Variants in CAST observed in about 807,000 individuals in gnomAD.
The protein encoded by CAST is calpastatin.
CAST carries 76 observed loss-of-function variants against 119.6 expected under a neutral mutation model. The ratio of observed to expected loss-of-function variants is 0.64; its 90% CI spans 0.53 to 0.77. The LOEUF is 0.77. CAST is among the 30% of genes least tolerant of loss of function. The pLI, the probability that CAST is intolerant of heterozygous loss-of-function variation, is 0.00. For missense variants in CAST, 953 were observed against 946.5 expected, an observed-to-expected ratio of 1.01 and a Z score of -0.09; for synonymous variants, 319 against 331.6, an observed-to-expected ratio of 0.96 and a Z score of 0.41.
the CAST span, among the ~76,000 whole-genome samples, chr5:96,190,827 G>C: frequency 6.6e-6 from 1 of 152,076 alleles, no homozygotes; most frequent in Admixed American, 6.6e-5. Context: ...GGATGATCCT[G>C]TCACCCAGGT....
At chr5:96,059,861 A>G in the CAST span, among the ~76,000 whole-genome samples, 1 of 152,098 alleles carries the variant, frequency 6.6e-6, no homozygotes, top group Non-Finnish European at 1.5e-5. Flanking sequence ...TGCATCAACA[A>G]TATTATATTC....
At chr5:96,397,429 T>A in the CAST span, 4 of 1,612,770 alleles carry the variant, frequency 2.5e-6, no homozygotes, top group Admixed American at 1.7e-5. Flanking sequence ...CATTAGGAGA[T>A]GTATCCCGTT....
chr5:95,985,417 C>G, the CAST span, among the ~76,000 whole-genome samples: 1 of 152,164 alleles, frequency 6.6e-6, no homozygotes, highest in East Asian at 1.9e-4. Flanking sequence ...TGAATAGAAG[C>G]AAACCAAGAG....
At chr5:96,555,796 G>C (rs1254096692) in intron 1 of CAST, among the ~76,000 whole-genome samples, 1 of 152,224 alleles carries the variant, frequency 6.6e-6, no homozygotes, top group Non-Finnish European at 1.5e-5. Context: ...TCCACCTCTA[G>C]GGGCAGGGCA....
At chr5:96,480,202 C>A in the CAST span, among the ~76,000 whole-genome samples, 1 of 152,008 alleles carries the variant, frequency 6.6e-6, no homozygotes, top group South Asian at 2.1e-4. Flanking sequence ...CAGGTTGGAA[C>A]AATTAGCATG....
At chr5:96,641,230 G>A (rs190332948) in intron 1 of CAST, among the ~76,000 whole-genome samples, 3 of 151,664 alleles carry the variant, frequency 2.0e-5, no homozygotes, top group African/African-American at 7.3e-5. Context: ...AGAAATAAAG[G>A]GAAAATAAAA....
the CAST span, among the ~76,000 whole-genome samples, chr5:96,301,881 T>G: frequency 6.6e-6 from 1 of 152,116 alleles, no homozygotes; most frequent in African/African-American, 2.4e-5. Context: ...GATCTACCAT[T>G]CGGGGATCTG....
the CAST span, among the ~76,000 whole-genome samples, chr5:96,078,522 T>C: frequency 6.6e-6 from 1 of 152,092 alleles, no homozygotes; most frequent in African/African-American, 2.4e-5. Context: ...GCCTCCCAAG[T>C]AGCTGGGATT....
the CAST span, among the ~76,000 whole-genome samples, chr5:96,020,950 A>G: frequency 1.5e-4 from 22 of 151,338 alleles, no homozygotes; most frequent in Admixed American, 4.0e-4. Flanking sequence ...TTCACATTCT[A>G]TTTTCAAAAG....
At chr5:96,727,379 T>C (rs932724932) in intron 5 of CAST, 110 bp from the exon 6 acceptor site, 4 of 558,414 alleles carry the variant, frequency 7.2e-6, no homozygotes, top group Non-Finnish European at 1.2e-5. Context: ...ACATTAAAAA[T>C]CATCTCTTTT....
At chr5:96,046,798 T>C in the CAST span, among the ~76,000 whole-genome samples, 6,956 of 152,254 alleles carry the variant, frequency 0.046, 336 homozygotes, top group African/African-American at 0.12. Context: ...CTCAGAATCA[T>C]GGTGGGAGGT....
At chr5:96,511,112 A>G in the CAST span, among the ~76,000 whole-genome samples, 8 of 152,198 alleles carry the variant, frequency 5.3e-5, no homozygotes, top group Non-Finnish European at 4.4e-5. Context: ...CAACAAAACA[A>G]AACAAAAAAC....
the CAST span, among the ~76,000 whole-genome samples, chr5:96,026,900 C>G: frequency 6.6e-6 from 1 of 152,018 alleles, no homozygotes; most frequent in African/African-American, 2.4e-5. Context: ...TTAAACAATT[C>G]CTCTTACTCT....
the CAST span, chr5:96,429,321 T>G: frequency 6.8e-7 from 1 of 1,460,828 alleles, no homozygotes; most frequent in Non-Finnish European, 9.6e-7. Context: ...AACCAATCTA[T>G]AAAAGGAAAG....
At chr5:96,056,201 T>C in the CAST span, among the ~76,000 whole-genome samples, 2 of 152,164 alleles carry the variant, frequency 1.3e-5, no homozygotes, top group Non-Finnish European at 2.9e-5. Flanking sequence ...TAATCCTAGA[T>C]ATTTTTCTTT....
chr5:96,649,041 C>A (rs1437435288), intron 1 of CAST, among the ~76,000 whole-genome samples: 1 of 152,092 alleles, frequency 6.6e-6, no homozygotes, highest in African/African-American at 2.4e-5. Context: ...ACTCATAGGG[C>A]AAGACATGTC....
intron 26 of CAST, among the ~76,000 whole-genome samples, chr5:96,765,592 A>G (rs1769643469): frequency 6.6e-6 from 1 of 152,178 alleles, no homozygotes; most frequent in African/African-American, 2.4e-5. Flanking sequence ...CAACACAAGC[A>G]GTCAGCACAT....
At chr5:96,063,985 A>G in the CAST span, among the ~76,000 whole-genome samples, 11 of 152,200 alleles carry the variant, frequency 7.2e-5, no homozygotes, top group African/African-American at 2.7e-4. Flanking sequence ...CTTCCCAAGC[A>G]TACATGATCC....
At chr5:96,568,985 G>T (rs772689626) in intron 1 of CAST, among the ~76,000 whole-genome samples, 9 of 152,142 alleles carry the variant, frequency 5.9e-5, no homozygotes, top group Non-Finnish European at 1.2e-4. Context: ...CAGCAGCTAC[G>T]CTCTGCTCAG....
Sources: allele counts gnomAD v4.1 joint callset (sites outside exome capture counted in the v4.1 genomes callset), GRCh38; gene constraint gnomAD v4.1.1; transcripts MANE v1.5; gene names NCBI Gene and HGNC (gene_info 2026-07-23, HGNC 2026-07-21).